SLIT2: variants seen among roughly 807,000 people sequenced by gnomAD.
The protein encoded by SLIT2 is slit guidance ligand 2.
In SLIT2, 41 loss-of-function variants were observed where a neutral mutation model predicts 185.7. That is an observed-to-expected ratio of 0.22 (90% CI 0.17 to 0.29). The LOEUF is 0.29. SLIT2 is among the 10% of genes least tolerant of loss of function. The pLI is 1.00. For synonymous variants in SLIT2, 693 were observed against 680.2 expected, an observed-to-expected ratio of 1.02 and a Z score of -0.29; for missense variants, 1,571 against 1,909.0, an observed-to-expected ratio of 0.82 and a Z score of 3.30.
At chr4:20,473,236 C>T in intron 5 of SLIT2, among the ~76,000 whole-genome samples, 1 of 141,420 alleles carries the variant, frequency 7.1e-6, no homozygotes, top group African/African-American at 2.7e-5. Flanking sequence ...TATCTCAATT[C>T]CATTAACCCT....
At chr4:20,432,395 A>T (rs1006188246) in intron 4 of SLIT2, among the ~76,000 whole-genome samples, 1 of 152,196 alleles carries the variant, frequency 6.6e-6, no homozygotes, top group Non-Finnish European at 1.5e-5. Flanking sequence ...TACTTCTGAG[A>T]AAAGGCAGAC....
chr4:20,425,898 C>A (rs185356927), intron 4 of SLIT2, among the ~76,000 whole-genome samples: 273 of 152,282 alleles, frequency 1.8e-3, no homozygotes, highest in African/African-American at 5.9e-3. Flanking sequence ...CCTGCCTCTC[C>A]CTCCTATGCC....
rs1458518937 is a variant in SLIT2 at position 20,277,723 on chromosome 4, GATGAAAGATTTTC to G, written c.395+8845_395+8857del. ...ATTAATTTGGATATAGCTACATCAT[GATGAAAGATTTTC>G]ATCATGATGTAGCTATATCCAAATT... On this transcript the variant is annotated intron_variant, in intron 4 of 36. Coordinates refer to ENST00000504154, the MANE Select transcript of SLIT2 (RefSeq NM_004787.4). Among the ~76,000 whole-genome samples, 4 of 146,288 alleles carry G rather than the reference GATGAAAGATTTTC, an allele frequency of 2.7e-5. No individual in the cohort carries two copies. The East Asian group carries it at 8.0e-4, about 29-fold the overall frequency.
chr4:20,443,043 G>A (rs1477645732), intron 4 of SLIT2, among the ~76,000 whole-genome samples: 2 of 152,048 alleles, frequency 1.3e-5, no homozygotes, highest in South Asian at 4.1e-4. Flanking sequence ...ATAGAATTTT[G>A]TTTCTCATAG....
intron 4 of SLIT2, among the ~76,000 whole-genome samples, chr4:20,369,808 G>T (rs538054184): frequency 5.3e-5 from 8 of 152,044 alleles, no homozygotes; most frequent in Non-Finnish European, 1.0e-4. Flanking sequence ...GGAGGTATTT[G>T]AAGTTTCTGT....
In SLIT2 at chr4:20,540,867, A is replaced by G. The variant is rs568326782; in HGVS notation, c.1977-586A>G. Among the ~76,000 whole-genome samples the G allele has an allele frequency of 3.3e-5, 5 of 152,326 alleles. No individual in the cohort carries two copies. The East Asian group carries it at 5.8e-4, about 18-fold the overall frequency. On this transcript the variant is annotated intron_variant, in intron 19 of 36. Transcript: ENST00000504154. ...GAGATTGTCAATAGGTTTATGCTGA[A>G]GTGGTGAGATGCCAGAAGTATTGAA...
At chr4:20,567,096 C>G (rs553195159) in intron 26 of SLIT2, among the ~76,000 whole-genome samples, 166 bp from the exon 27 acceptor site, 48 of 152,126 alleles carry the variant, frequency 3.2e-4, no homozygotes, top group African/African-American at 1.1e-3. Flanking sequence ...CATTCTTGAA[C>G]ATCATCGGAG....
At chr4:20,376,589 G>T (rs1379731186) in intron 4 of SLIT2, among the ~76,000 whole-genome samples, 4 of 152,022 alleles carry the variant, frequency 2.6e-5, no homozygotes, top group African/African-American at 9.7e-5. Flanking sequence ...TGGGTGAAAT[G>T]ATTTTCTTCC....
At chr4:20,347,159 G>T (rs575092686) in intron 4 of SLIT2, among the ~76,000 whole-genome samples, 1 of 152,160 alleles carries the variant, frequency 6.6e-6, no homozygotes, top group Non-Finnish European at 1.5e-5. Flanking sequence ...AAAAGGAAGC[G>T]GATTGGCACT....
At chr4:20,372,615 C>G (rs1197644519) in intron 4 of SLIT2, among the ~76,000 whole-genome samples, 1 of 151,904 alleles carries the variant, frequency 6.6e-6, no homozygotes, top group Admixed American at 6.6e-5. Context: ...GGGAAGGACC[C>G]TATTTTCCAT....
At chr4:20,448,395 C>G (rs1474639277) in intron 4 of SLIT2, among the ~76,000 whole-genome samples, 1 of 152,062 alleles carries the variant, frequency 6.6e-6, no homozygotes, top group Admixed American at 6.5e-5. Context: ...GATCTTGGCT[C>G]ACTGCAAACT....
chr4:20,269,724 A>G (rs1306800304), intron 4 of SLIT2, among the ~76,000 whole-genome samples: 1 of 151,956 alleles, frequency 6.6e-6, no homozygotes, highest in African/African-American at 2.4e-5. Flanking sequence ...CCCCACCTGG[A>G]TGGTGGGTGT....
At chr4:20,539,686 G>A (rs940484288) in intron 19 of SLIT2, 102 bp downstream of exon 19, 2 of 773,166 alleles carry the variant, frequency 2.6e-6, no homozygotes, top group African/African-American at 1.8e-5. Flanking sequence ...GTGATCAAGG[G>A]TTTTAGGACT....
chr4:20,474,659 A>G lies in SLIT2; in HGVS notation c.468-6057A>G, dbSNP rs1040298048. ...TGTGTCTTCTTATGATACAGAATGGACCTTTGATTTTTTGCATCTTTAACA... is the reference window on the plus strand; with the variant it reads ...TGTGTCTTCTTATGATACAGAATGGGCCTTTGATTTTTTGCATCTTTAACA... On this transcript the variant is annotated intron_variant, in intron 5 of 36. Transcript: ENST00000504154. 3.3e-5 allele frequency among the ~76,000 whole-genome samples: 5 copies of G among 152,054 alleles called. No homozygotes were observed. The South Asian group carries it at 1.0e-3, about 32-fold the overall frequency.
At chr4:20,461,611 G>A (rs146750928) in intron 4 of SLIT2, among the ~76,000 whole-genome samples, 7 of 152,252 alleles carry the variant, frequency 4.6e-5, no homozygotes, top group South Asian at 2.1e-4. Flanking sequence ...TGGTAGGTGC[G>A]ATCAGGGGAC....
At chr4:20,389,376 A>G (rs1161778658) in intron 4 of SLIT2, among the ~76,000 whole-genome samples, 1 of 151,906 alleles carries the variant, frequency 6.6e-6, no homozygotes. Flanking sequence ...GAATTCCCAG[A>G]CTCCACTTTG....
chr4:20,334,275 T>G (rs1231422228), intron 4 of SLIT2, among the ~76,000 whole-genome samples: 1 of 152,118 alleles, frequency 6.6e-6, no homozygotes, highest in African/African-American at 2.4e-5. Context: ...GATGACATTG[T>G]CCCTGTTGAG....
At chr4:20,563,181 C>T (rs190904912) in intron 26 of SLIT2, among the ~76,000 whole-genome samples, 5 of 151,870 alleles carry the variant, frequency 3.3e-5, no homozygotes, top group African/African-American at 1.2e-4. Flanking sequence ...CACACCTCCA[C>T]CCATATAGCT....
intron 4 of SLIT2, among the ~76,000 whole-genome samples, chr4:20,312,553 C>T (rs956611929): frequency 7.2e-5 from 11 of 151,744 alleles, no homozygotes; most frequent in Admixed American, 2.6e-4. Flanking sequence ...GCAGGCAGAT[C>T]GTGAGGTCAG....
Sources: allele counts gnomAD v4.1 joint callset (sites outside exome capture counted in the v4.1 genomes callset), GRCh38; gene constraint gnomAD v4.1.1; transcripts MANE v1.5; gene names NCBI Gene and HGNC (gene_info 2026-07-23, HGNC 2026-07-21).